Variants in PDE4D observed in about 807,000 individuals in gnomAD.
The protein encoded by PDE4D is 3',5'-cyclic-AMP phosphodiesterase 4D.
In PDE4D, 24 loss-of-function variants were observed where a neutral mutation model predicts 87.4. That is an observed-to-expected ratio of 0.27 (90% CI 0.20 to 0.39). PDE4D has a LOEUF of 0.39. Among genes scored for constraint, PDE4D ranks in the 10% least tolerant of loss-of-function variants. PDE4D has a pLI of 1.00. For missense variants in PDE4D, 714 were observed against 1,041.0 expected (o/e 0.69, Z 4.32); for synonymous variants, 384 against 383.2 (o/e 1.00, Z -0.02).
chr5:60,014,091 T>TAAA (rs36035984), intron 2 of PDE4D, among the ~76,000 whole-genome samples: 153 of 96,436 alleles, frequency 1.6e-3, no homozygotes, highest in African/African-American at 5.9e-3. Context: ...GACTCCACCT[T>TAAA]AAAAAAAAAA....
At chr5:59,320,364 T>C (rs1774494428) in intron 1 of PDE4D, among the ~76,000 whole-genome samples, 1 of 152,066 alleles carries the variant, frequency 6.6e-6, no homozygotes, top group African/African-American at 2.4e-5. Context: ...GAAGGACATC[T>C]TCGGTCCGTT....
intron 5 of PDE4D, among the ~76,000 whole-genome samples, chr5:59,113,432 T>C (rs990259270): frequency 3.9e-5 from 6 of 152,250 alleles, no homozygotes; most frequent in African/African-American, 1.4e-4. Flanking sequence ...GATGGTATGT[T>C]TTTTGCCTAC....
rs191869839 is a variant in PDE4D at position 59,697,055 on chromosome 5, A to G, written c.455+196113T>C. Among the ~76,000 whole-genome samples, 215 of 152,322 alleles carry G rather than the reference A, an allele frequency of 1.4e-3. 2 individuals are homozygous for G. The highest frequency in any genetic ancestry group is 5.1e-3 in the African/African-American group (211 of 41,574). ...ACTGAGAGAAGATATTTGGGAATAG[A>G]AAGAGAGTAGTTTTGCTAATCTTGA... On this transcript the variant is annotated intron_variant, in intron 1 of 14. Coordinates refer to ENST00000340635, the MANE Select transcript of PDE4D (RefSeq NM_001104631.2).
At position 59,408,618 on chromosome 5, in the gene PDE4D, G is replaced by A. The variant is rs529944970; in HGVS notation, c.456-192650C>T. 1.6e-4 allele frequency among the ~76,000 whole-genome samples: 25 copies of A among 152,302 alleles called. 1 individual carries two copies. Among genetic ancestry groups the A allele is most frequent in the South Asian group, 1.0e-3 (5 of 4,826 alleles). On this transcript the variant is annotated intron_variant, in intron 1 of 14. Coordinates refer to ENST00000340635, the MANE Select transcript of PDE4D (RefSeq NM_001104631.2). ...CTTGCATCCTATACCTGGGAAAGCC[G>A]TAGGCACTCAACTCCAACCCATGAG...
At chr5:60,449,582 A>T (rs969694698) in intron 1 of PDE4D, among the ~76,000 whole-genome samples, 2 of 151,656 alleles carry the variant, frequency 1.3e-5, no homozygotes, top group Non-Finnish European at 2.9e-5. Context: ...AGCATGGCAC[A>T]TGTATACATA....
intron 1 of PDE4D, among the ~76,000 whole-genome samples, chr5:59,873,405 A>T (rs1441468503): frequency 1.3e-5 from 2 of 152,206 alleles, no homozygotes; most frequent in East Asian, 3.9e-4. Flanking sequence ...AGAGCTGCTA[A>T]CTGCACAGCT....
intron 1 of PDE4D, among the ~76,000 whole-genome samples, chr5:60,405,705 A>G (rs555971449): frequency 3.9e-5 from 6 of 152,388 alleles, no homozygotes; most frequent in African/African-American, 1.4e-4. Context: ...GGTATAAAGC[A>G]GATACTTCTA....
At chr5:59,511,587 AT>A (rs1810289140) in intron 1 of PDE4D, among the ~76,000 whole-genome samples, 1 of 152,012 alleles carries the variant, frequency 6.6e-6, no homozygotes, top group African/African-American at 2.4e-5. Context: ...CTTTTACATT[AT>A]TTTTGTGAAT....
chr5:59,416,500 G>GT (rs1554166918), intron 1 of PDE4D, among the ~76,000 whole-genome samples: 1 of 152,138 alleles, frequency 6.6e-6, no homozygotes, highest in African/African-American at 2.4e-5. Context: ...AGAGTCATAT[G>GT]TGTAATAAAC....
At chr5:59,136,776 G>A (rs761104100) in intron 5 of PDE4D, among the ~76,000 whole-genome samples, 1 of 152,172 alleles carries the variant, frequency 6.6e-6, no homozygotes, top group Non-Finnish European at 1.5e-5. Flanking sequence ...AACATTTACT[G>A]TAAGTAGAGC....
In PDE4D at chr5:59,327,450, G is replaced by A. The variant is rs573648235; in HGVS notation, c.456-111482C>T. ...AACAGGATGATGAACAAGTGCAAAT[G>A]AGCTACCTTAAGAAAGCGATAGCAC... On this transcript the variant is annotated intron_variant, in intron 1 of 14. Transcript: ENST00000340635. Among the ~76,000 whole-genome samples, 435 of 152,158 alleles carry A rather than the reference G, an allele frequency of 2.9e-3. 4 individuals are homozygous for A. The highest frequency in any genetic ancestry group is 0.01 in the African/African-American group (419 of 41,510).
At chr5:60,371,373 G>A (rs753478007) in intron 1 of PDE4D, among the ~76,000 whole-genome samples, 2 of 152,114 alleles carry the variant, frequency 1.3e-5, no homozygotes, top group Non-Finnish European at 2.9e-5. Context: ...TGTCACCATC[G>A]TTGTGTCCCT....
At chr5:59,592,355 A>G in intron 1 of PDE4D, among the ~76,000 whole-genome samples, 1 of 152,218 alleles carries the variant, frequency 6.6e-6, no homozygotes, top group East Asian at 1.9e-4. Flanking sequence ...TCAGTTGCTG[A>G]GAGTCAGGGA....
chr5:59,328,170 T>C (rs1776051143), intron 1 of PDE4D, among the ~76,000 whole-genome samples: 2 of 152,172 alleles, frequency 1.3e-5, no homozygotes, highest in Non-Finnish European at 2.9e-5. Context: ...TGGTTAATTA[T>C]ATAGACTCTG....
At chr5:59,366,803 T>G (rs1303983102) in intron 1 of PDE4D, among the ~76,000 whole-genome samples, 1 of 152,248 alleles carries the variant, frequency 6.6e-6, no homozygotes. Flanking sequence ...AACTCTATTT[T>G]TAATCAATTA....
intron 3 of PDE4D, among the ~76,000 whole-genome samples, chr5:59,949,357 T>G (rs1213602235): frequency 1.4e-5 from 2 of 138,878 alleles, no homozygotes; most frequent in African/African-American, 5.6e-5. Context: ...GGCGTGAACC[T>G]GGGAGGCGGA....
chr5:59,101,779 A>T (rs1024949938), intron 5 of PDE4D, among the ~76,000 whole-genome samples: 2 of 151,978 alleles, frequency 1.3e-5, no homozygotes, highest in Non-Finnish European at 2.9e-5. Context: ...CAAAGGAAAG[A>T]TCTGGCATTT....
intron 5 of PDE4D, among the ~76,000 whole-genome samples, chr5:59,126,040 C>G (rs1285465588): frequency 6.8e-6 from 1 of 146,938 alleles, no homozygotes; most frequent in African/African-American, 2.5e-5. Context: ...AATCTAGGCC[C>G]TTATTGGATC....
chr5:59,674,534 C>A (rs567140314), intron 1 of PDE4D, among the ~76,000 whole-genome samples: 1 of 152,252 alleles, frequency 6.6e-6, no homozygotes, highest in South Asian at 2.1e-4. Context: ...TTGTATGATT[C>A]TCTGCTCCTT....
Sources: gnomAD v4.1 joint callset for allele counts (sites outside exome capture counted in the v4.1 genomes callset) on GRCh38, gnomAD v4.1.1 for gene constraint, MANE v1.5 for transcripts, NCBI Gene and HGNC (gene_info 2026-07-23, HGNC 2026-07-21) for gene names.